Variants in LMAN1L observed in about 807,000 individuals in gnomAD.
LMAN1L encodes protein ERGIC-53-like.
Under a neutral mutation model 58.3 loss-of-function variants are expected in LMAN1L, and 60 were observed. The ratio of observed to expected loss-of-function variants is 1.03; its 90% CI spans 0.84 to 1.27. The LOEUF (loss-of-function observed/expected upper bound fraction) is 1.27. Among genes scored for constraint, LMAN1L ranks in the 50% most tolerant of loss-of-function variants. LMAN1L has a pLI of 0.00. For missense variants in LMAN1L, 629 were observed against 674.0 expected (o/e 0.93, Z 0.74); for synonymous variants, 280 against 271.6 (o/e 1.03, Z -0.31).
In LMAN1L at chr15:74,813,210, A is replaced by AC. The variant is rs2063873808; in HGVS notation, c.175+187dup. Reference sequence around the variant, plus strand: ...TTGTCTCCTGCTCCACCGCCTCAACACCCCCCACCCCTGCCCAAGCTGTTT... The same window carrying AC: ...TTGTCTCCTGCTCCACCGCCTCAACACCCCCCCACCCCTGCCCAAGCTGTTT... On this transcript the variant is annotated intron_variant, in intron 1 of 13. Coordinates refer to ENST00000309664, the MANE Select transcript of LMAN1L (RefSeq NM_021819.3). 7.4e-6 allele frequency: 5 copies of AC among 674,408 alleles called. No homozygotes were observed. In the East Asian group the frequency reaches 8.2e-5, roughly 11 times the overall value. The allele number at this position is 674,408 out of a possible 1,614,324, so 41.8% of individuals were successfully genotyped here.
At chr15:74,821,297 A>C in intron 9 of LMAN1L, 71 bp downstream of exon 9, 1 of 1,498,124 alleles carries the variant, frequency 6.7e-7, no homozygotes, top group Non-Finnish European at 9.0e-7. Context: ...GTAGTCAGCA[A>C]CTAGTCTCCC....
intron 4 of LMAN1L, among the ~76,000 whole-genome samples, 193 bp from the exon 5 acceptor site, chr15:74,818,525 C>T (rs1161339660): frequency 1.3e-5 from 2 of 152,170 alleles, no homozygotes; most frequent in African/African-American, 4.8e-5. Flanking sequence ...GAAACCCCAT[C>T]TCTGCTAAAA....
chr15:74,824,629 T>G, intron 13 of LMAN1L, 151 bp downstream of exon 13: 1 of 880,912 alleles, frequency 1.1e-6, no homozygotes, highest in Non-Finnish European at 1.8e-6. Flanking sequence ...ATAGGGCCCA[T>G]TCTCTCACCA....
rs2063922711 is a variant in LMAN1L at position 74,822,724 on chromosome 15, G to T, written c.1199+15G>T. ...CAAGAGATGAGGTAAGGGACTGGGT[G>T]GGGACCCCTCCACCACCTTGTTTCT... On this transcript the variant is annotated intron_variant, in intron 11 of 13. Transcript: ENST00000309664. The T allele has an allele frequency of 1.2e-6, 2 of 1,605,606 alleles. No individual in the cohort carries two copies. Among genetic ancestry groups the T allele is most frequent in the Admixed American group, 3.3e-5 (2 of 60,000 alleles).
chr15:74,816,115 G>T, intron 1 of LMAN1L, 42 bp from the exon 2 acceptor site: 1 of 1,527,116 alleles, frequency 6.5e-7, no homozygotes. Context: ...GGGGGAGATG[G>T]GGTGTAGTGG....
intron 1 of LMAN1L, 73 bp from the exon 2 acceptor site, chr15:74,816,084 C>G: frequency 6.7e-7 from 1 of 1,486,950 alleles, no homozygotes; most frequent in East Asian, 2.5e-5. Context: ...GAGCCCAGCC[C>G]GGGCCAAGTG....
At chr15:74,819,300 C>T in intron 6 of LMAN1L, 28 bp downstream of exon 6, 1 of 1,610,368 alleles carries the variant, frequency 6.2e-7, no homozygotes. Context: ...CAGGTAAGAG[C>T]AGAAGGGCAG....
At position 74,823,791 on chromosome 15, in the gene LMAN1L, C is replaced by A. The variant is rs1048856361; in HGVS notation, c.1323+109C>A. ...CCAAGCCCTCCTGCCTTTGCCCTCC[C>A]CTCCCAGGACTGCTGGCAAGCACAT... On this transcript the variant is annotated intron_variant, in intron 12 of 13. Coordinates refer to ENST00000309664, the MANE Select transcript of LMAN1L (RefSeq NM_021819.3). 3.1e-6 allele frequency: 4 copies of A among 1,303,326 alleles called. No individual in the cohort carries two copies. The African/African-American group carries it at 5.9e-5, about 19-fold the overall frequency. The allele number at this position is 1,303,326 out of a possible 1,614,324, so 80.7% of individuals were successfully genotyped here. A position where few individuals can be genotyped will look rare whatever the true frequency, so the allele number is the denominator to read the frequency against.
chr15:74,819,536 G>A, intron 6 of LMAN1L: 1 of 522,316 alleles, frequency 1.9e-6, no homozygotes, highest in African/African-American at 1.9e-5. Context: ...CAGCAAAGAG[G>A]GGCATTTAGG....
chr15:74,821,934 T>G (rs756043324), intron 10 of LMAN1L, 34 bp downstream of exon 10: 1 of 1,445,372 alleles, frequency 6.9e-7, no homozygotes, highest in Admixed American at 1.7e-5. Context: ...TGACCAGCAC[T>G]GGCCCCAGCT....
intron 4 of LMAN1L, among the ~76,000 whole-genome samples, chr15:74,818,028 A>AG (rs539209345): frequency 0.062 from 9,322 of 149,826 alleles, 615 homozygotes; most frequent in South Asian, 0.35. Flanking sequence ...AAAAAAAAAA[A>AG]AGAGAGAGAG....
intron 10 of LMAN1L, among the ~76,000 whole-genome samples, chr15:74,822,105 G>C (rs775961496): frequency 6.6e-6 from 1 of 152,116 alleles, no homozygotes; most frequent in Admixed American, 6.5e-5. Flanking sequence ...GACAGATCAC[G>C]AGGTCAAAAG....
chr15:74,814,973 G>C (rs1428368511), intron 1 of LMAN1L, among the ~76,000 whole-genome samples: 1 of 152,170 alleles, frequency 6.6e-6, no homozygotes, highest in African/African-American at 2.4e-5. Context: ...CACTGCTATG[G>C]GCCTTGCCAA....
At position 74,816,709 on chromosome 15, in the gene LMAN1L, T is replaced by A. The variant is rs1236287433; in HGVS notation, c.497+19T>A. ...AGCCTGGGTAAGGGCCTGTCTGGAC[T>A]GACCACTCACCTCCATTTTTGCACT... is the stretch of plus-strand genomic sequence containing the variant. On this transcript the variant is annotated intron_variant, in intron 4 of 13. Transcript: ENST00000309664. 1.9e-6 allele frequency: 3 copies of A among 1,609,684 alleles called. No homozygotes were observed. The highest frequency in any genetic ancestry group is 2.5e-6 in the Non-Finnish European group (3 of 1,177,314).
chr15:74,813,011 T>C lies in LMAN1L; in HGVS notation c.157T>C (p.Phe53Leu). 1 of 1,613,200 alleles carries C rather than the reference T, an allele frequency of 6.2e-7. No homozygotes were observed. The highest frequency in any genetic ancestry group is 8.5e-7 in the Non-Finnish European group (1 of 1,179,562). ...GGCATTGCCTGGGGCTGGAATACCC[T>C]TCTGGAGCCATCATGGAGGTGAGGG... is the stretch of plus-strand genomic sequence containing the variant. ...RLALPGAGIPFWSHHGDAILG... is the reference protein window; with the variant it reads ...RLALPGAGIPLWSHHGDAILG... The change falls in exon 1 of 14, where the codon TTC (phenylalanine) becomes CTC (leucine). Residue 53 changes from phenylalanine to leucine, a missense_variant. This residue lies in a region of LMAN1L where 573 missense variants were observed against 597.3 expected (regional missense o/e 0.96). Transcript: ENST00000309664.
At chr15:74,816,358 G>A (rs1347308088) in intron 2 of LMAN1L, 47 bp downstream of exon 2, 22 of 1,604,106 alleles carry the variant, frequency 1.4e-5, no homozygotes, top group African/African-American at 2.7e-5. Context: ...GGTCAGGGAG[G>A]CGGGTGATGA....
At chr15:74,817,027 G>A (rs568721246) in intron 4 of LMAN1L, among the ~76,000 whole-genome samples, 1 of 152,110 alleles carries the variant, frequency 6.6e-6, no homozygotes, top group Non-Finnish European at 1.5e-5. Context: ...GGGATGTGCC[G>A]TGCGCAGTGC....
intron 10 of LMAN1L, 114 bp downstream of exon 10, chr15:74,822,014 A>C: frequency 1.4e-6 from 1 of 717,282 alleles, no homozygotes; most frequent in Non-Finnish European, 2.4e-6. Flanking sequence ...AGGGGACAGA[A>C]CCACTTTTAG....
intron 12 of LMAN1L, 98 bp downstream of exon 12, chr15:74,823,780 C>T: frequency 5.6e-6 from 8 of 1,437,466 alleles, no homozygotes; most frequent in South Asian, 2.5e-5. Context: ...GCCCTCCTGC[C>T]TTTGCCCTCC....
Sources: allele counts gnomAD v4.1 joint callset (sites outside exome capture counted in the v4.1 genomes callset), GRCh38; gene constraint gnomAD v4.1.1; regional missense constraint gnomAD v4.1.1; transcripts MANE v1.5; gene names NCBI Gene and HGNC (gene_info 2026-07-23, HGNC 2026-07-21).